The following CA5B variants were observed in gnomAD, a reference collection of about 807,000 sequenced individuals.
The protein encoded by CA5B is carbonic anhydrase 5B, mitochondrial.
CA5B carries 15 observed loss-of-function variants against 23.1 expected under a neutral mutation model. The observed-to-expected ratio is 0.65, with a 90% CI of 0.43 to 1.00. The LOEUF is 1.00. Among genes scored for constraint, CA5B ranks in the 50% least tolerant of loss-of-function variants. The pLI, the probability that CA5B is intolerant of heterozygous loss-of-function variation, is 0.00. For synonymous variants in CA5B, 84 were observed against 98.5 expected (o/e 0.85, Z 0.87); for missense variants, 236 against 252.2 (o/e 0.94, Z 0.43).
At chrX:15,755,580 G>A (rs1931471270) in intron 2 of CA5B, among the ~76,000 whole-genome samples, 1 of 112,357 alleles carries the variant, frequency 8.9e-6, no homozygotes, top group South Asian at 3.6e-4. Context: ...GAGGGTATAA[G>A]GCAATGCTTT....
At chrX:15,755,268 A>G (rs780178695) in intron 2 of CA5B, among the ~76,000 whole-genome samples, 1 of 112,056 alleles carries the variant, frequency 8.9e-6, no homozygotes, top group Non-Finnish European at 1.9e-5. Flanking sequence ...GGGACTGACA[A>G]ATAGCCCTGG....
intron 3 of CA5B, among the ~76,000 whole-genome samples, chrX:15,767,924 T>G (rs1296081599): frequency 1.9e-5 from 1 of 52,224 alleles, no homozygotes; most frequent in African/African-American, 8.6e-5. Flanking sequence ...TTTGAGATGG[T>G]GTCTCACTCT....
chrX:15,755,969 C>G (rs1282166628), intron 2 of CA5B, among the ~76,000 whole-genome samples: 1 of 111,236 alleles, frequency 9.0e-6, no homozygotes, highest in African/African-American at 3.3e-5. Context: ...TGTACTGAGC[C>G]TTTGAAGTTC....
At chrX:15,759,352 G>C (rs779817821) in intron 2 of CA5B, among the ~76,000 whole-genome samples, 1 of 111,551 alleles carries the variant, frequency 9.0e-6, no homozygotes. Context: ...TGATTAGATC[G>C]TGAGGGCAGA....
intron 1 of CA5B, among the ~76,000 whole-genome samples, chrX:15,744,962 A>G (rs1367785324): frequency 5.4e-5 from 6 of 110,213 alleles, no homozygotes; most frequent in Non-Finnish European, 1.1e-4. Context: ...TGAGGTCAGG[A>G]GTTCGAGACC....
rs778966402 is a variant in CA5B, at chrX:15,782,567, C to T, written c.857C>T (p.Pro286Leu). 28 of 1,208,193 alleles carry T rather than the reference C, an allele frequency of 2.3e-5. No homozygotes were observed. The highest frequency in any genetic ancestry group is 3.1e-5 in the Non-Finnish European group (28 of 893,742). Reference sequence around the variant, plus strand: ...GTGGACAACTTCCGCCCCCTTCAGCCACTGATGAATCGCACTGTTCGTTCA... The same window carrying T: ...GTGGACAACTTCCGCCCCCTTCAGCTACTGATGAATCGCACTGTTCGTTCA... ...RMVDNFRPLQ[P>L]LMNRTVRSSF... Residue 286 changes from proline to leucine, a missense_variant, in exon 8 of 8, where the codon CCA becomes CTA. Pro to Leu is a moderately conservative substitution (Grantham distance 98). Around this residue, in one of 3 missense-constraint regions of CA5B, gnomAD observed 170 missense variants for 162.0 expected, o/e 1.05. Coordinates refer to ENST00000318636, the MANE Select transcript of CA5B (RefSeq NM_007220.4).
rs1467692211 is a variant in CA5B, at chrX:15,772,631, AG to A, written c.459+19del. ...CCAGCAGAGGTATGTTGAGAAGGTC[AG>A]GAACAGTGACAACTGTAGAGAAGTG... On this transcript the variant is annotated intron_variant, in intron 4 of 7. Transcript: ENST00000318636. 4.0e-6 allele frequency: 4 copies of A among 990,260 alleles called. No homozygotes were observed. The African/African-American group carries it at 5.7e-5, about 14-fold the overall frequency. The allele number at this position is 990,260 out of a possible 1,213,427, so 81.6% of individuals were successfully genotyped here.
chrX:15,768,634 A>G (rs965384257), intron 3 of CA5B: 3 of 109,865 alleles, frequency 2.7e-5, no homozygotes, highest in Admixed American at 9.8e-5. Context: ...CTCTTTTTCC[A>G]CCTTTCAGTG....
In CA5B at chrX:15,750,057, C is replaced by G. The variant is rs749169372; in HGVS notation, c.34C>G (p.Gln12Glu). Residue 12 changes from glutamine to glutamate, a missense_variant, in exon 2 of 8, where the codon CAA becomes GAA. By Grantham distance (29) the Gln-to-Glu change is conservative. Coordinates refer to ENST00000318636, the MANE Select transcript of CA5B (RefSeq NM_007220.4). Reference sequence around the variant, plus strand: ...GATGAACAGCCTGAGGGTCATTCTTCAAGCCTCTCCAGGCAAATTGCTGTG... The same window carrying G: ...GATGAACAGCCTGAGGGTCATTCTTGAAGCCTCTCCAGGCAAATTGCTGTG... ...VVMNSLRVIL[Q>E]ASPGKLLWRK... 1 of 1,209,701 alleles carries G rather than the reference C, an allele frequency of 8.3e-7. No homozygotes were observed. Among genetic ancestry groups the G allele is most frequent in the Non-Finnish European group, 1.1e-6 (1 of 893,575 alleles).
At chrX:15,775,515 G>A (rs1036055500) in intron 6 of CA5B, 30 of 954,182 alleles carry the variant, frequency 3.1e-5, no homozygotes, top group Middle Eastern at 4.5e-4. Context: ...CTGCAGTGCC[G>A]CTGAGGACTT....
chrX:15,741,682 T>G (rs938094540), intron 1 of CA5B, among the ~76,000 whole-genome samples: 1 of 110,145 alleles, frequency 9.1e-6, no homozygotes, highest in African/African-American at 3.3e-5. Context: ...TTCACCATCT[T>G]GGCCAGGCTG....
chrX:15,767,432 C>T (rs1340456257), intron 3 of CA5B, among the ~76,000 whole-genome samples: 2 of 107,288 alleles, frequency 1.9e-5, no homozygotes, highest in Non-Finnish European at 3.8e-5. Flanking sequence ...GACAGAGTCT[C>T]GCTCTGTTGT....
intron 7 of CA5B, among the ~76,000 whole-genome samples, chrX:15,777,720 A>G (rs1851827978): frequency 8.9e-6 from 1 of 112,146 alleles, no homozygotes; most frequent in Non-Finnish European, 1.9e-5. Flanking sequence ...TAGAAAAATC[A>G]TATTATCATT....
intron 7 of CA5B, among the ~76,000 whole-genome samples, chrX:15,779,999 C>T (rs924947947): frequency 1.8e-5 from 2 of 111,734 alleles, no homozygotes; most frequent in African/African-American, 6.5e-5. Context: ...TCTAACTGTA[C>T]TGGCTACTTC....
intron 2 of CA5B, among the ~76,000 whole-genome samples, chrX:15,757,765 G>C (rs1305905520): frequency 9.1e-6 from 1 of 109,596 alleles, no homozygotes; most frequent in African/African-American, 3.3e-5. Context: ...GCAGTTGTAA[G>C]AAGAGTAGCA....
chrX:15,750,526 C>A, intron 2 of CA5B: 1 of 136,966 alleles, frequency 7.3e-6, no homozygotes, highest in Non-Finnish European at 1.4e-5. Context: ...TTTATTATTT[C>A]TTGGTAGCAA....
chrX:15,749,827 T>C (rs902525859), intron 1 of CA5B, 144 bp from the exon 2 acceptor site: 21 of 421,933 alleles, frequency 5.0e-5, no homozygotes, highest in Non-Finnish European at 4.0e-6. Context: ...CAAGAGTGGA[T>C]AAACCGTTGA....
intron 1 of CA5B, among the ~76,000 whole-genome samples, chrX:15,740,495 G>A (rs1412717739): frequency 8.9e-6 from 1 of 112,432 alleles, no homozygotes; most frequent in East Asian, 2.8e-4. Flanking sequence ...TAGCTAAATT[G>A]AATTTCTGTT....
chrX:15,747,375 G>A (rs1014230546), intron 1 of CA5B, among the ~76,000 whole-genome samples: 9 of 111,190 alleles, frequency 8.1e-5, no homozygotes, highest in African/African-American at 3.0e-4. Flanking sequence ...GGGAATGGGT[G>A]GAGGTGGCTA....
Sources: allele counts gnomAD v4.1 joint callset (sites outside exome capture counted in the v4.1 genomes callset), GRCh38; gene constraint gnomAD v4.1.1; regional missense constraint gnomAD v4.1.1; transcripts MANE v1.5; gene names NCBI Gene and HGNC (gene_info 2026-07-23, HGNC 2026-07-21).